The following THSD7B variants were observed in gnomAD, a reference collection of about 807,000 sequenced individuals.
THSD7B encodes the protein thrombospondin type-1 domain-containing protein 7B.
A neutral mutation model predicts 213.6 loss-of-function variants in THSD7B; 138 were observed. That is an observed-to-expected ratio of 0.65 (90% CI 0.56 to 0.74). The LOEUF is 0.74. THSD7B is among the 30% of genes least tolerant of loss of function. THSD7B has a pLI of 0.00. For synonymous variants in THSD7B, 742 were observed against 687.0 expected, an observed-to-expected ratio of 1.08 and a Z score of -1.25; for missense variants, 1,931 against 1,991.5, an observed-to-expected ratio of 0.97 and a Z score of 0.58.
intron 12 of THSD7B, among the ~76,000 whole-genome samples, chr2:137,399,808 C>CTTAAGTAT (rs1349875873): frequency 1.3e-5 from 2 of 151,874 alleles, no homozygotes; most frequent in African/African-American, 2.4e-5. Context: ...CTTTATTTTT[C>CTTAAGTAT]TTCTCCCTCA....
At chr2:136,895,540 T>TTTTTTC (rs1553456267) in intron 2 of THSD7B, among the ~76,000 whole-genome samples, 1 of 144,306 alleles carries the variant, frequency 6.9e-6, no homozygotes, top group African/African-American at 2.6e-5. Context: ...TTTTTTTTTT[T>TTTTTTC]ACAGAATTCC....
At position 137,210,783 on chromosome 2, in the gene THSD7B, GT is replaced by G. The variant is rs1681086156; in HGVS notation, c.1724-20260del. Among the ~76,000 whole-genome samples the G allele has an allele frequency of 2.9e-5, 4 of 136,726 alleles. No homozygotes were observed. The South Asian group carries it at 1.1e-3, about 36-fold the overall frequency. 89.7% of individuals were successfully genotyped at this position (136,726 alleles called of 152,430 possible). A position where few individuals can be genotyped will look rare whatever the true frequency, so the allele number is the denominator to read the frequency against. ...ACTTTTATGTTCACTTTTGTATTAT[GT>G]CATTTAATGAGATTATGTTCTAGTT... On this transcript the variant is annotated intron_variant, in intron 7 of 27. Coordinates refer to ENST00000409968, the MANE Select transcript of THSD7B (RefSeq NM_001316349.2).
chr2:137,633,737 C>T (rs1420583186), intron 20 of THSD7B, among the ~76,000 whole-genome samples: 2 of 152,046 alleles, frequency 1.3e-5, no homozygotes, highest in Non-Finnish European at 2.9e-5. Context: ...GAGGAATTCT[C>T]AGGGGCAGGA....
intron 2 of THSD7B, among the ~76,000 whole-genome samples, chr2:137,029,204 G>A (rs1194085481): frequency 1.3e-5 from 2 of 148,734 alleles, no homozygotes; most frequent in African/African-American, 2.5e-5. Flanking sequence ...TCAGCCTCCC[G>A]AGTAGCTGGG....
chr2:137,484,171 TC>T (rs1391920535), intron 15 of THSD7B, among the ~76,000 whole-genome samples: 1 of 75,324 alleles, frequency 1.3e-5, no homozygotes, highest in Non-Finnish European at 2.5e-5. Flanking sequence ...CCCTCCCCCC[TC>T]CCCCCACCAC....
intron 12 of THSD7B, among the ~76,000 whole-genome samples, chr2:137,393,125 G>C (rs983315232): frequency 2.7e-5 from 4 of 150,224 alleles, no homozygotes. Context: ...AAAATTCTTG[G>C]CTGCAGGTTT....
intron 14 of THSD7B, among the ~76,000 whole-genome samples, chr2:137,420,772 A>T (rs551264225): frequency 6.6e-6 from 1 of 152,138 alleles, no homozygotes; most frequent in Non-Finnish European, 1.5e-5. Flanking sequence ...AAAACTACAA[A>T]CTTGGTGGCA....
chr2:137,229,730 G>C (rs1681595987), intron 7 of THSD7B, among the ~76,000 whole-genome samples: 1 of 152,134 alleles, frequency 6.6e-6, no homozygotes, highest in African/African-American at 2.4e-5. Flanking sequence ...GCCCGTGTAA[G>C]CATGAGCAAA....
At chr2:137,669,361 G>C (rs916111055) in intron 27 of THSD7B, among the ~76,000 whole-genome samples, 1 of 152,020 alleles carries the variant, frequency 6.6e-6, no homozygotes, top group Non-Finnish European at 1.5e-5. Context: ...CTAGAAATTA[G>C]ATTTCTATCC....
At chr2:137,104,936 A>G (rs1424345521) in intron 4 of THSD7B, among the ~76,000 whole-genome samples, 2 of 152,220 alleles carry the variant, frequency 1.3e-5, no homozygotes, top group African/African-American at 2.4e-5. Flanking sequence ...AACCAAAAAA[A>G]TTGCAGGACC....
intron 15 of THSD7B, among the ~76,000 whole-genome samples, chr2:137,549,838 C>T (rs1232961292): frequency 6.6e-6 from 1 of 152,010 alleles, no homozygotes; most frequent in Non-Finnish European, 1.5e-5. Flanking sequence ...AAGGTTCATC[C>T]ATAACCTCTT....
intron 12 of THSD7B, among the ~76,000 whole-genome samples, chr2:137,376,054 G>T (rs1042005278): frequency 6.6e-6 from 1 of 152,152 alleles, no homozygotes; most frequent in Non-Finnish European, 1.5e-5. Context: ...TGGATATTGT[G>T]CTAATTTATC....
intron 3 of THSD7B, among the ~76,000 whole-genome samples, chr2:137,072,567 C>G (rs555170550): frequency 6.6e-6 from 1 of 152,132 alleles, no homozygotes; most frequent in Non-Finnish European, 1.5e-5. Flanking sequence ...AATTTGACTT[C>G]CTCTTTTCCT....
chr2:137,001,939 T>C (rs1421991335), intron 2 of THSD7B, among the ~76,000 whole-genome samples: 1 of 152,184 alleles, frequency 6.6e-6, no homozygotes, highest in East Asian at 1.9e-4. Context: ...TCAGAAAGTG[T>C]ATTCATCATT....
chr2:137,106,603 C>G lies in THSD7B; in HGVS notation c.1200-8521C>G, dbSNP rs190594664. Reference sequence around the variant, plus strand: ...CAAAAGAAACTATCATTAGAGTGAACAGGAAACCTACAGAATGGGAGAAAA... The same window carrying G: ...CAAAAGAAACTATCATTAGAGTGAAGAGGAAACCTACAGAATGGGAGAAAA... On this transcript the variant is annotated intron_variant, in intron 4 of 27. Coordinates refer to ENST00000409968, the MANE Select transcript of THSD7B (RefSeq NM_001316349.2). Among the ~76,000 whole-genome samples the G allele has an allele frequency of 4.1e-3, 624 of 152,224 alleles. 3 individuals are homozygous for G. The highest frequency in any genetic ancestry group is 0.014 in the African/African-American group (572 of 41,538).
At chr2:137,159,790 A>G (rs1044722127) in intron 5 of THSD7B, among the ~76,000 whole-genome samples, 6 of 152,122 alleles carry the variant, frequency 3.9e-5, no homozygotes, top group African/African-American at 1.4e-4. Flanking sequence ...TAAATTGGTT[A>G]TGCTAAACAC....
At chr2:136,844,480 G>GAC (rs1553452614) in intron 1 of THSD7B, among the ~76,000 whole-genome samples, 323 of 149,460 alleles carry the variant, frequency 2.2e-3, no homozygotes, top group Middle Eastern at 0.014. Context: ...GAGAGAGAGA[G>GAC]AGAGAGAGAG....
At chr2:137,463,922 A>G (rs1457064251) in intron 15 of THSD7B, among the ~76,000 whole-genome samples, 1 of 152,152 alleles carries the variant, frequency 6.6e-6, no homozygotes, top group East Asian at 1.9e-4. Context: ...TAAGCTGACT[A>G]AAACTGGCTT....
chr2:136,789,660 TTAAGAA>T (rs766495686), intron 1 of THSD7B, among the ~76,000 whole-genome samples: 3 of 152,114 alleles, frequency 2.0e-5, no homozygotes, highest in Non-Finnish European at 4.4e-5. Context: ...AATAGATACT[TTAAGAA>T]TAAGTAATGT....
Sources: gnomAD v4.1 joint callset for allele counts (sites outside exome capture counted in the v4.1 genomes callset) on GRCh38, gnomAD v4.1.1 for gene constraint, MANE v1.5 for transcripts, NCBI Gene and HGNC (gene_info 2026-07-23, HGNC 2026-07-21) for gene names.